DPYD: variants seen among roughly 807,000 people sequenced by gnomAD.
The protein encoded by DPYD is dihydropyrimidine dehydrogenase.
DPYD carries 109 observed loss-of-function variants against 116.2 expected under a neutral mutation model. The ratio of observed to expected loss-of-function variants is 0.94; its 90% CI spans 0.80 to 1.10. The LOEUF is 1.10. DPYD is among the 50% of genes least tolerant of loss of function. The pLI is 0.00. For synonymous variants in DPYD, 440 were observed against 432.0 expected (o/e 1.02, Z -0.23); for missense variants, 1,302 against 1,254.5 (o/e 1.04, Z -0.57).
At chr1:97,519,060 A>G (rs914395520) in intron 12 of DPYD, among the ~76,000 whole-genome samples, 1 of 152,154 alleles carries the variant, frequency 6.6e-6, no homozygotes. Context: ...GCTTATTATA[A>G]TTTTCATATT....
At chr1:97,555,136 C>T (rs922268559) in intron 11 of DPYD, among the ~76,000 whole-genome samples, 4 of 152,042 alleles carry the variant, frequency 2.6e-5, no homozygotes, top group African/African-American at 9.7e-5. Flanking sequence ...CTGTAGCATC[C>T]AACAGTTGAA....
rs760156122 is a variant in DPYD, at chr1:97,450,056, T to TAA, written c.1905+2_1905+3insTT. 1 of 1,613,852 alleles carries TAA rather than the reference T, an allele frequency of 6.2e-7. No individual in the cohort carries two copies. The highest frequency in any genetic ancestry group is 1.7e-5 in the Admixed American group (1 of 59,974). On this transcript the variant is annotated splice_region_variant and intron_variant, in intron 14 of 22. Coordinates refer to ENST00000370192, the MANE Select transcript of DPYD (RefSeq NM_000110.4). ...CTTGTTTTAGATGTTAAATCACACT[T>TAA]ACGTTGTCTGGAAAGTCAGCCTTTA...
chr1:97,827,763 T>C (rs1460047120), intron 3 of DPYD, among the ~76,000 whole-genome samples: 1 of 152,132 alleles, frequency 6.6e-6, no homozygotes, highest in Non-Finnish European at 1.5e-5. Flanking sequence ...GAGGAAATAC[T>C]ACTCAATTAA....
chr1:97,255,594 G>T (rs1369465801), intron 18 of DPYD, among the ~76,000 whole-genome samples: 1 of 152,062 alleles, frequency 6.6e-6, no homozygotes, highest in African/African-American at 2.4e-5. Flanking sequence ...CAGCCATGTG[G>T]AACTGTAAGT....
chr1:97,665,859 A>T (rs145263617), intron 8 of DPYD, among the ~76,000 whole-genome samples: 46 of 152,310 alleles, frequency 3.0e-4, no homozygotes, highest in African/African-American at 1.1e-3. Flanking sequence ...AATAAAAGGA[A>T]CTATGCTCTG....
rs147481615 is a variant in DPYD, at chr1:97,610,603, G to A, written c.851-15437C>T. Among the ~76,000 whole-genome samples, 206 of 152,022 alleles carry A rather than the reference G, an allele frequency of 1.4e-3. 2 individuals carry two copies. The South Asian group carries it at 0.019, about 14-fold the overall frequency. On this transcript the variant is annotated intron_variant, in intron 8 of 22. Transcript: ENST00000370192. ...GAACTAAATACTGAAAACTGTGTAC[G>A]CGATGGGTTAAAAAGCAAAGCTATC...
intron 15 of DPYD, 38 bp from the exon 16 acceptor site, chr1:97,373,682 C>T (rs1306375967): frequency 3.2e-6 from 5 of 1,575,440 alleles, no homozygotes; most frequent in Admixed American, 1.7e-5. Context: ...AAAGGCAAAG[C>T]TTTATTTATA....
chr1:97,423,597 T>C (rs757851601), intron 14 of DPYD, among the ~76,000 whole-genome samples: 1 of 152,068 alleles, frequency 6.6e-6, no homozygotes, highest in Non-Finnish European at 1.5e-5. Context: ...CAGGAAGAAT[T>C]TGGGGCATTG....
At chr1:97,373,301 T>C (rs1671404644) in intron 16 of DPYD, among the ~76,000 whole-genome samples, 1 of 152,190 alleles carries the variant, frequency 6.6e-6, no homozygotes, top group Non-Finnish European at 1.5e-5. Context: ...TTCAGCGCTT[T>C]TAAAAACTAT....
intron 3 of DPYD, among the ~76,000 whole-genome samples, chr1:97,791,826 T>C (rs1364036095): frequency 6.6e-6 from 1 of 152,202 alleles, no homozygotes; most frequent in Non-Finnish European, 1.5e-5. Context: ...ACCAATATTG[T>C]AATGGATCTT....
chr1:97,544,544 C>T (rs201447726), intron 12 of DPYD, among the ~76,000 whole-genome samples: 1 of 152,106 alleles, frequency 6.6e-6, no homozygotes, highest in East Asian at 1.9e-4. Context: ...CTGTTTCTCT[C>T]CTTTCTCTAC....
At chr1:97,212,355 A>G (rs968829017) in intron 19 of DPYD, among the ~76,000 whole-genome samples, 33 of 152,208 alleles carry the variant, frequency 2.2e-4, no homozygotes, top group African/African-American at 6.7e-4. Context: ...TTCATTTAGC[A>G]TGTTTTTATA....
At chr1:97,192,496 GA>G (rs974432794) in intron 20 of DPYD, among the ~76,000 whole-genome samples, 3 of 152,132 alleles carry the variant, frequency 2.0e-5, no homozygotes, top group African/African-American at 7.2e-5. Flanking sequence ...GCAAAATGCT[GA>G]ATGTTGTTTT....
chr1:97,687,130 G>A (rs1394941449), intron 7 of DPYD, among the ~76,000 whole-genome samples: 2 of 152,058 alleles, frequency 1.3e-5, no homozygotes, highest in African/African-American at 2.4e-5. Flanking sequence ...AATTAGCCAC[G>A]TGTGGTGGCA....
chr1:97,742,222 C>T (rs1313201797), intron 3 of DPYD, among the ~76,000 whole-genome samples: 8 of 152,122 alleles, frequency 5.3e-5, no homozygotes, highest in South Asian at 2.1e-4. Flanking sequence ...TTTCTATACA[C>T]TTCCATGTGT....
At chr1:97,738,681 A>G (rs1664092764) in intron 4 of DPYD, among the ~76,000 whole-genome samples, 1 of 150,990 alleles carries the variant, frequency 6.6e-6, no homozygotes, top group South Asian at 2.1e-4. Context: ...TTCAACAAAA[A>G]ATTAGGAGAG....
chr1:97,414,527 G>A (rs938274660), intron 14 of DPYD, among the ~76,000 whole-genome samples: 1 of 152,218 alleles, frequency 6.6e-6, no homozygotes, highest in Non-Finnish European at 1.5e-5. Flanking sequence ...ATGTGCATCA[G>A]AGGGGGCTCA....
At chr1:97,195,634 G>GTATGTGTATATATATATATATATA (rs1557929548) in intron 19 of DPYD, among the ~76,000 whole-genome samples, 1 of 57,730 alleles carries the variant, frequency 1.7e-5, no homozygotes, top group African/African-American at 6.3e-5. Flanking sequence ...ATATGTATGT[G>GTATGTGTATATATATATATATATA]TATATATATA....
chr1:97,842,288 ATAAT>A (rs1670076701), intron 2 of DPYD, among the ~76,000 whole-genome samples: 1 of 152,002 alleles, frequency 6.6e-6, no homozygotes, highest in Non-Finnish European at 1.5e-5. Flanking sequence ...CCTTGTTAGA[ATAAT>A]TAAATATTGG....
Sources: gnomAD v4.1 joint callset for allele counts (sites outside exome capture counted in the v4.1 genomes callset) on GRCh38, gnomAD v4.1.1 for gene constraint, MANE v1.5 for transcripts, NCBI Gene and HGNC (gene_info 2026-07-23, HGNC 2026-07-21) for gene names.